Variants in SLC19A2 observed in about 807,000 individuals in gnomAD.
The protein encoded by SLC19A2 is thiamine transporter 1.
Under a neutral mutation model 44.7 loss-of-function variants are expected in SLC19A2, and 27 were observed. That is an observed-to-expected ratio of 0.60 (90% confidence interval 0.45 to 0.83). The LOEUF is 0.83. Ranked by LOEUF, SLC19A2 falls within the 40% of genes least tolerant of loss-of-function variation. SLC19A2 has a pLI of 0.00. For missense variants in SLC19A2, 566 were observed against 613.7 expected (o/e 0.92, Z 0.82); for synonymous variants, 239 against 243.6 (o/e 0.98, Z 0.18).
chr1:169,475,264 T>C (rs758364579), intron 2 of SLC19A2, among the ~76,000 whole-genome samples: 11 of 152,120 alleles, frequency 7.2e-5, no homozygotes, highest in Non-Finnish European at 1.6e-4. Flanking sequence ...GGCAATAAAA[T>C]TGATTTAGAG....
At chr1:169,475,209 T>A (rs960029126) in intron 2 of SLC19A2, among the ~76,000 whole-genome samples, 3 of 152,182 alleles carry the variant, frequency 2.0e-5, no homozygotes, top group Non-Finnish European at 2.9e-5. Context: ...TATTTCAAGT[T>A]GATCTAGAAC....
intron 1 of SLC19A2, 24 bp from the exon 2 acceptor site, chr1:169,477,781 AAC>A (rs745442763): frequency 6.3e-7 from 1 of 1,590,534 alleles, no homozygotes; most frequent in African/African-American, 1.4e-5. Flanking sequence ...AAAAAAAAAA[AAC>A]AAAAAACATT....
chr1:169,475,088 T>C (rs1658276364), intron 2 of SLC19A2, among the ~76,000 whole-genome samples: 1 of 152,250 alleles, frequency 6.6e-6, no homozygotes, highest in Non-Finnish European at 1.5e-5. Context: ...CTAATCTCTT[T>C]TTAAAATGCT....
Position 169,482,946 on chromosome 1 carries a change from T to C in SLC19A2, c.204+2617A>G, listed in dbSNP as rs16862217. Among the ~76,000 whole-genome samples, 8,407 of 152,224 alleles carry C rather than the reference T, an allele frequency of 0.055. 1,411 individuals carry two copies. The East Asian group carries it at 0.67, about 12-fold the overall frequency. ...AATGTTTAAAAAAATCTAAGAAAGGTAGTAAATGTCTGTCAAAACACATGC... is the reference window on the plus strand; with the variant it reads ...AATGTTTAAAAAAATCTAAGAAAGGCAGTAAATGTCTGTCAAAACACATGC... On this transcript the variant is annotated intron_variant, in intron 1 of 5. Transcript: ENST00000236137.
intron 1 of SLC19A2, 144 bp downstream of exon 1, chr1:169,485,419 G>A (rs893657737): frequency 2.6e-5 from 23 of 869,338 alleles, no homozygotes; most frequent in Non-Finnish European, 4.1e-5. Context: ...ACACAAAGAA[G>A]AGCACGAAGC....
At chr1:169,466,112 C>A in intron 5 of SLC19A2, 135 bp from the exon 6 acceptor site, 1 of 987,302 alleles carries the variant, frequency 1.0e-6, no homozygotes, top group Non-Finnish European at 1.5e-6. Flanking sequence ...CCTGAAGACA[C>A]AAAGCAGCAT....
At chr1:169,466,752 C>T (rs1658003244) in intron 5 of SLC19A2, among the ~76,000 whole-genome samples, 1 of 152,010 alleles carries the variant, frequency 6.6e-6, no homozygotes, top group Non-Finnish European at 1.5e-5. Flanking sequence ...TCTCATTGTC[C>T]AACACCGACT....
Position 169,470,014 on chromosome 1 carries a change from C to A in SLC19A2, c.980G>T (p.Arg327Leu), listed in dbSNP as rs756708244. Residue 327 changes from arginine to leucine, a missense_variant, in exon 3 of 6, where the codon CGC becomes CTC. Physicochemically the swap from Arg to Leu is moderately radical, Grantham distance 102 (BLOSUM62 -2). Transcript: ENST00000236137. ...GCCACCATTATAGATAGCAGCATAGCGAGAAGGCATCACTTTCTCCCACAG... is the reference window on the plus strand; with the variant it reads ...GCCACCATTATAGATAGCAGCATAGAGAGAAGGCATCACTTTCTCCCACAG... ...QGLWEKVMPS[R>L]YAAIYNGGVE... The A allele has an allele frequency of 7.4e-6, 12 of 1,613,774 alleles. No individual in the cohort carries two copies. The highest frequency in any genetic ancestry group is 1.3e-5 in the African/African-American group (1 of 74,836).
At chr1:169,468,604 T>C in intron 4 of SLC19A2, 40 bp downstream of exon 4, 1 of 1,566,824 alleles carries the variant, frequency 6.4e-7, no homozygotes, top group East Asian at 2.2e-5. Flanking sequence ...TTTATCCTGT[T>C]ACAATTTTTC....
At position 169,465,910 on chromosome 1, in the gene SLC19A2, A is replaced by G; in HGVS notation, c.1433T>C (p.Val478Ala). The change falls in exon 6 of 6, where the codon GTT (valine) becomes GCT (alanine). Residue 478 changes from valine to alanine, a missense_variant. Coordinates refer to ENST00000236137, the MANE Select transcript of SLC19A2 (RefSeq NM_006996.3). ...VVFLASGAVS[V>A]MKKCRKLEDP... ...TTCCAGCTTTCTACATTTCTTCATAACACTGACTGCACCACTGGCCAGGAA... is the reference window on the plus strand; with the variant it reads ...TTCCAGCTTTCTACATTTCTTCATAGCACTGACTGCACCACTGGCCAGGAA... The G allele has an allele frequency of 6.2e-7, 1 of 1,614,146 alleles. No homozygotes were observed. Among genetic ancestry groups the G allele is most frequent in the Non-Finnish European group, 8.5e-7 (1 of 1,179,974 alleles).
intron 2 of SLC19A2, among the ~76,000 whole-genome samples, chr1:169,471,073 A>AT (rs1169215423): frequency 2.6e-5 from 4 of 151,616 alleles, no homozygotes; most frequent in Non-Finnish European, 5.9e-5. Context: ...AAAAAAAAAA[A>AT]ACCCACAGAA....
In SLC19A2 at chr1:169,465,136, T is replaced by G. The variant is rs1657958821; in HGVS notation, c.*713A>C. The G allele has an allele frequency of 6.6e-6, 1 of 152,208 alleles. No homozygotes were observed. The allele number at this position is 152,208 out of a possible 1,614,324, so 9.4% of individuals were successfully genotyped here. The stretch of plus-strand genomic sequence containing the variant: ...TTCAAAACTTGCCTTATTTTCTAAC[T>G]AAATGAGCTTCTCTGGGAAGCATAT... On this transcript the variant is annotated 3_prime_UTR_variant, in exon 6 of 6. Coordinates refer to ENST00000236137, the MANE Select transcript of SLC19A2 (RefSeq NM_006996.3).
rs1489189777 is a variant in SLC19A2 at position 169,464,124 on chromosome 1, T to G, written c.*1725A>C. 1 of 152,480 alleles carries G rather than the reference T, an allele frequency of 6.6e-6. No homozygotes were observed. The highest frequency in any genetic ancestry group is 1.5e-5 in the Non-Finnish European group (1 of 67,982). The allele number at this position is 152,480 out of a possible 1,614,324, so 9.4% of individuals were successfully genotyped here. A position where few individuals can be genotyped will look rare whatever the true frequency, so the allele number is the denominator to read the frequency against. On this transcript the variant is annotated 3_prime_UTR_variant, in exon 6 of 6. Coordinates refer to ENST00000236137, the MANE Select transcript of SLC19A2 (RefSeq NM_006996.3). ...TGTCTTATATAAGAAAAGGCTCAGG[T>G]TGTATGCCACAAACTTTGAATTAAA...
intron 1 of SLC19A2, 83 bp downstream of exon 1, chr1:169,485,480 C>T: frequency 6.8e-7 from 1 of 1,465,366 alleles, no homozygotes; most frequent in Non-Finnish European, 9.3e-7. Context: ...GGCTCGAGCG[C>T]TTTTCTCGGT....
intron 2 of SLC19A2, 51 bp downstream of exon 2, chr1:169,477,104 C>T (rs748120790): frequency 6.9e-5 from 111 of 1,609,404 alleles, no homozygotes; most frequent in Middle Eastern, 4.2e-4. Context: ...TTTTTCACCA[C>T]GGGTCCAGCC....
At chr1:169,485,186 A>C (rs563481156) in intron 1 of SLC19A2, among the ~76,000 whole-genome samples, 2 of 152,360 alleles carry the variant, frequency 1.3e-5, no homozygotes, top group Admixed American at 6.5e-5. Context: ...ATATTTACTA[A>C]GCCGTGTCCA....
At chr1:169,478,161 C>G (rs1658369102) in intron 1 of SLC19A2, among the ~76,000 whole-genome samples, 1 of 151,972 alleles carries the variant, frequency 6.6e-6, no homozygotes, top group Admixed American at 6.6e-5. Flanking sequence ...CCTCCCAAAG[C>G]GCTAGGATTA....
chr1:169,478,268 G>C (rs1055726292), intron 1 of SLC19A2, among the ~76,000 whole-genome samples: 1 of 151,456 alleles, frequency 6.6e-6, no homozygotes, highest in African/African-American at 2.4e-5. Context: ...TCAAGGCCTA[G>C]TTCAAAGACT....
intron 5 of SLC19A2, among the ~76,000 whole-genome samples, chr1:169,467,564 T>C (rs1438181961): frequency 6.6e-6 from 1 of 152,224 alleles, no homozygotes; most frequent in Non-Finnish European, 1.5e-5. Context: ...TGAAGGCATA[T>C]ACAACTATAC....
Sources: allele counts gnomAD v4.1 joint callset (sites outside exome capture counted in the v4.1 genomes callset), GRCh38; gene constraint gnomAD v4.1.1; transcripts MANE v1.5; gene names NCBI Gene and HGNC (gene_info 2026-07-23, HGNC 2026-07-21).